Variants in DUX4 observed in about 807,000 individuals in gnomAD.
DUX4 encodes the protein double homeobox protein 4.
intron 1 of DUX4, among the ~76,000 whole-genome samples, chr4:190,181,706 A>G (rs1742590897): frequency 5.5e-4 from 80 of 146,176 alleles, no homozygotes; most frequent in South Asian, 8.8e-4. Context: ...ATGCCCCCAT[A>G]GGCAGATCCA....
chr4:190,176,097 C>G (rs1300393740), downstream of DUX4, among the ~76,000 whole-genome samples: 1 of 112,440 alleles, frequency 8.9e-6, no homozygotes, highest in African/African-American at 2.6e-5. Flanking sequence ...GTCATAAAGC[C>G]TCCTGTAGGC....
At chr4:190,181,171 T>C (rs1579836925) in intron 1 of DUX4, among the ~76,000 whole-genome samples, 1,844 of 27,286 alleles carry the variant, frequency 0.068, 3 homozygotes, top group South Asian at 0.088. Context: ...AGGCAGAGCT[T>C]AGACTAGAGT....
downstream of DUX4, among the ~76,000 whole-genome samples, chr4:190,177,802 T>A (rs1742387007): frequency 3.3e-3 from 436 of 131,532 alleles, no homozygotes; most frequent in Middle Eastern, 8.7e-3. Context: ...TATGTCACAA[T>A]GCCCCCTTTT....
downstream of DUX4, among the ~76,000 whole-genome samples, chr4:190,177,873 T>TG (rs1742392357): frequency 5.2e-5 from 6 of 115,226 alleles, no homozygotes; most frequent in Non-Finnish European, 5.7e-5. Flanking sequence ...TGTCACAATG[T>TG]CCCTGTAGCC....
downstream of DUX4, among the ~76,000 whole-genome samples, chr4:190,179,584 T>C (rs1742504948): frequency 1.3e-5 from 2 of 151,966 alleles, no homozygotes; most frequent in East Asian, 1.9e-4. Flanking sequence ...CACAATGCTG[T>C]GTAGCCAGAG....
chr4:190,175,862 G>T (rs1205470870), downstream of DUX4: 1 of 142,818 alleles, frequency 7.0e-6, no homozygotes, highest in East Asian at 3.2e-4. Context: ...TGCATCTTTT[G>T]TGTGATGAGT....
At chr4:190,177,539 T>TAGGCGCAGCTC (rs1742373808), downstream of DUX4, among the ~76,000 whole-genome samples, 1 of 118,560 alleles carries the variant, frequency 8.4e-6, no homozygotes, top group Non-Finnish European at 1.8e-5. Context: ...AATTCCCCTT[T>TAGGCGCAGCTC]AGGCACAGCT....
At chr4:190,181,305 CCTA>C (rs1742563304) in intron 1 of DUX4, among the ~76,000 whole-genome samples, 3 of 125,236 alleles carry the variant, frequency 2.4e-5, no homozygotes, top group African/African-American at 5.9e-5. Context: ...GTAGGCAGAG[CCTA>C]AAGAAGAGTC....
chr4:190,181,772 AGTAGG>A (rs1742594910), intron 1 of DUX4, among the ~76,000 whole-genome samples: 1 of 39,464 alleles, frequency 2.5e-5, no homozygotes, highest in Non-Finnish European at 5.6e-5. Context: ...CAATGCCCCC[AGTAGG>A]CAGAGCCTAG....
downstream of DUX4, among the ~76,000 whole-genome samples, chr4:190,179,153 CAG>C (rs1742480286): frequency 1.3e-5 from 2 of 151,524 alleles, no homozygotes; most frequent in Non-Finnish European, 2.9e-5. Flanking sequence ...GTGATCAGTG[CAG>C]AGATACATTG....
chr4:190,177,848 A>T (rs1742389813), downstream of DUX4, among the ~76,000 whole-genome samples: 2,488 of 116,038 alleles, frequency 0.021, no homozygotes, highest in South Asian at 0.034. Flanking sequence ...CACCTGGGTG[A>T]TCAGTGCAGA....
At chr4:190,177,024 G>C (rs2126566533), downstream of DUX4, among the ~76,000 whole-genome samples, 61 of 149,198 alleles carry the variant, frequency 4.1e-4, no homozygotes, top group Admixed American at 6.0e-4. Context: ...CCATCACCTG[G>C]GTGATCAGTG....
chr4:190,178,808 T>A (rs1742453741), downstream of DUX4, among the ~76,000 whole-genome samples: 3 of 151,814 alleles, frequency 2.0e-5, no homozygotes, highest in South Asian at 2.1e-4. Context: ...ACTTGGGTGA[T>A]CAGTGGCGAG....
chr4:190,180,117 A>C (rs1262035827), downstream of DUX4, among the ~76,000 whole-genome samples: 1 of 85,494 alleles, frequency 1.2e-5, no homozygotes, highest in Non-Finnish European at 2.3e-5. Flanking sequence ...GAAATATGTG[A>C]CAATGCCGCC....
chr4:190,182,351 A>ATTTGGATTCGGG (rs1553983716), intron 1 of DUX4, among the ~76,000 whole-genome samples: 1,360 of 62,154 alleles, frequency 0.022, 2 homozygotes, highest in African/African-American at 0.037. Flanking sequence ...TCAAGTTTGG[A>ATTTGGATTCGGG]TTCGGGTTCA....
At chr4:190,182,252 G>GGGT (rs2126586054) in intron 1 of DUX4, 1 of 125,958 alleles carries the variant, frequency 7.9e-6, no homozygotes. Context: ...GTTAGGGTGA[G>GGGT]CATTAGGTTT....
downstream of DUX4, among the ~76,000 whole-genome samples, chr4:190,177,367 G>T (rs1742362916): frequency 5.0e-5 from 5 of 100,762 alleles, no homozygotes; most frequent in Non-Finnish European, 6.7e-5. Context: ...ACATCACCTG[G>T]GTTATCAGTG....
intron 1 of DUX4, chr4:190,182,174 T>TGGTGAGGGTGAGGGTGAG (rs1266753262): frequency 3.8e-5 from 2 of 52,164 alleles, no homozygotes; most frequent in African/African-American, 5.5e-5. Flanking sequence ...TATGTCACAA[T>TGGTGAGGGTGAGGGTGAG]GGCGAGGGTG....
downstream of DUX4, among the ~76,000 whole-genome samples, chr4:190,176,332 C>A (rs1280721681): frequency 2.2e-4 from 25 of 111,970 alleles, 8 homozygotes; most frequent in East Asian, 7.7e-3. Context: ...ACAAGTGTTA[C>A]ATCACCTGGG....
Sources: gnomAD v4.1 joint callset for allele counts (sites outside exome capture counted in the v4.1 genomes callset) on GRCh38, gnomAD v4.1.1 for gene constraint, MANE v1.5 for transcripts, NCBI Gene and HGNC (gene_info 2026-07-23, HGNC 2026-07-21) for gene names.